RNF32: variants seen among roughly 807,000 people sequenced by gnomAD.
RNF32 encodes ring finger protein 32.
RNF32 carries 36 observed loss-of-function variants against 41.0 expected under a neutral mutation model. That is an observed-to-expected ratio of 0.88 (90% CI 0.67 to 1.16). The LOEUF is 1.16. RNF32 is among the 50% of genes most tolerant of loss of function. The probability of loss-of-function intolerance (pLI) is 0.00; values close to 1 mark genes in which losing one functional copy is unlikely to be tolerated. For synonymous variants in RNF32, 154 were observed against 160.9 expected, an observed-to-expected ratio of 0.96 and a Z score of 0.32; for missense variants, 413 against 436.7, an observed-to-expected ratio of 0.95 and a Z score of 0.48.
intron 3 of RNF32, chr7:156,646,623 G>T: frequency 3.1e-6 from 2 of 640,600 alleles, no homozygotes; most frequent in Non-Finnish European, 2.3e-6. Context: ...CCTGATAGGG[G>T]AGAACTTCCA....
intron 7 of RNF32, among the ~76,000 whole-genome samples, chr7:156,665,071 C>A (rs562041533): frequency 6.6e-6 from 1 of 152,298 alleles, no homozygotes; most frequent in Non-Finnish European, 1.5e-5. Context: ...GCTTCATTTT[C>A]TCCTTACATT....
intron 3 of RNF32, among the ~76,000 whole-genome samples, chr7:156,648,624 C>T (rs1385797801): frequency 2.0e-5 from 3 of 152,132 alleles, no homozygotes; most frequent in East Asian, 1.9e-4. Context: ...CTTGATTGTG[C>T]GTATTAGTTA....
At position 156,669,359 on chromosome 7, in the gene RNF32, G is replaced by C. The variant is rs1437938666; in HGVS notation, c.685-6337G>C. ...TAAGTGCCAGGAAGAAAAATGCAAA[G>C]AGAGGAAGGGGAGAGAGAGTGAAGT... On this transcript the variant is annotated intron_variant, in intron 7 of 8. Coordinates refer to ENST00000317955, the MANE Select transcript of RNF32 (RefSeq NM_030936.4). This position sits in a 1 kb window ranked among gnomAD's most constrained non-coding sequence, Gnocchi z 4.2. The C allele has an allele frequency of 6.6e-6, 1 of 152,302 alleles. No homozygotes were observed. Among genetic ancestry groups the C allele is most frequent in the Non-Finnish European group, 1.5e-5 (1 of 68,074 alleles). 9.4% of individuals were successfully genotyped at this position (152,302 alleles called of 1,614,324 possible).
chr7:156,668,488 C>A (rs7804623), intron 7 of RNF32, among the ~76,000 whole-genome samples: 53,242 of 151,956 alleles, frequency 0.35, 9,934 homozygotes, highest in African/African-American at 0.47. Flanking sequence ...TGGAGCCGGG[C>A]TCCAGTGACT....
intron 3 of RNF32, 127 bp from the exon 4 acceptor site, chr7:156,654,449 T>G: frequency 1.3e-6 from 1 of 749,908 alleles, no homozygotes; most frequent in Non-Finnish European, 2.1e-6. Context: ...GCTTCTATTG[T>G]GAAATAAAGT....
At chr7:156,654,211 T>TA (rs145338739) in intron 3 of RNF32, 2,804 of 154,614 alleles carry the variant, frequency 0.018, 87 homozygotes, top group African/African-American at 0.065. Flanking sequence ...AATAAATGAA[T>TA]AAAAAATAAC....
rs771286836 is a variant in RNF32 at position 156,644,635 on chromosome 7, C to T, written c.152C>T (p.Ser51Phe). 6.2e-7 allele frequency: 1 copy of T among 1,613,438 alleles called. No homozygotes were observed. The highest frequency in any genetic ancestry group is 1.1e-5 in the South Asian group (1 of 91,050). Residue 51 changes from serine (S) to phenylalanine (F), a missense_variant, in exon 3 of 9, where the codon TCT becomes TTT. By Grantham distance (155) the Ser-to-Phe change is radical. Coordinates refer to ENST00000317955, the MANE Select transcript of RNF32 (RefSeq NM_030936.4). ...CAAGTACAAAAGAAAGAGAACAAAT[C>T]TCTAAAAAGAGATACAAAGGCAATA... ...KTQVQKKENK[S>F]LKRDTKAIID...
At chr7:156,658,685 T>C in intron 7 of RNF32, 115 bp downstream of exon 7, 1 of 810,820 alleles carries the variant, frequency 1.2e-6, no homozygotes. Context: ...TTTGAGGGCT[T>C]TTTAAAAATG....
chr7:156,649,942 G>C (rs1798489106), intron 3 of RNF32, among the ~76,000 whole-genome samples: 1 of 152,162 alleles, frequency 6.6e-6, no homozygotes, highest in African/African-American at 2.4e-5. Context: ...CTCTTTTTCA[G>C]GATTCTGGAA....
chr7:156,655,291 TATAGAGAG>T (rs1174906796), intron 4 of RNF32, among the ~76,000 whole-genome samples: 4 of 150,682 alleles, frequency 2.7e-5, no homozygotes, highest in African/African-American at 9.8e-5. Flanking sequence ...CATATATATA[TATAGAGAG>T]AGAGAGAGAG....
chr7:156,651,606 T>C (rs1170334637), intron 3 of RNF32, among the ~76,000 whole-genome samples: 1 of 152,224 alleles, frequency 6.6e-6, no homozygotes, highest in African/African-American at 2.4e-5. Flanking sequence ...GATCGAGATT[T>C]AGCATATTGT....
chr7:156,649,668 G>A (rs569589253), intron 3 of RNF32, among the ~76,000 whole-genome samples: 1 of 152,220 alleles, frequency 6.6e-6, no homozygotes, highest in Non-Finnish European at 1.5e-5. Context: ...CTTTTTAGAT[G>A]AGCGTGTTTG....
At chr7:156,664,260 G>A (rs1216017105) in intron 7 of RNF32, among the ~76,000 whole-genome samples, 2 of 152,190 alleles carry the variant, frequency 1.3e-5, no homozygotes, top group African/African-American at 4.8e-5. Context: ...TCGGGAGTTC[G>A]AGACCAGCCT....
At chr7:156,657,489 A>G (rs1799890364) in intron 4 of RNF32, 52 bp from the exon 5 acceptor site, 2 of 1,583,292 alleles carry the variant, frequency 1.3e-6, no homozygotes, top group Non-Finnish European at 1.7e-6. Flanking sequence ...TGTTGGATAC[A>G]TGCTGCTTCT....
At chr7:156,656,715 G>A (rs548267705) in intron 4 of RNF32, among the ~76,000 whole-genome samples, 3 of 152,314 alleles carry the variant, frequency 2.0e-5, no homozygotes, top group African/African-American at 7.2e-5. Context: ...CCCAGACTGT[G>A]GTCACCCAAG....
At chr7:156,662,256 C>T (rs1377734901) in intron 7 of RNF32, among the ~76,000 whole-genome samples, 1 of 152,104 alleles carries the variant, frequency 6.6e-6, no homozygotes. Flanking sequence ...TTTTTTCTAC[C>T]TTTCCAACTT....
At position 156,671,987 on chromosome 7, in the gene RNF32, T is replaced by C. The variant is rs73744310; in HGVS notation, c.685-3709T>C. ...TATCAAAACTTGTGGAATGGAATAT[T>C]TCATCAAAACTTGTGGAAAGGAATA... On this transcript the variant is annotated intron_variant, in intron 7 of 8. Coordinates refer to ENST00000317955, the MANE Select transcript of RNF32 (RefSeq NM_030936.4). Among the ~76,000 whole-genome samples the C allele has an allele frequency of 3.7e-4, 57 of 152,354 alleles. 1 individual carries two copies. Among genetic ancestry groups the C allele is most frequent in the African/African-American group, 1.3e-3 (55 of 41,588 alleles).
intron 5 of RNF32, chr7:156,657,791 G>C: frequency 1.6e-6 from 1 of 613,282 alleles, no homozygotes; most frequent in South Asian, 2.0e-5. Context: ...TTATGTAACA[G>C]ATTGTTGTCA....
At chr7:156,656,189 A>G (rs1180768698) in intron 4 of RNF32, among the ~76,000 whole-genome samples, 1 of 152,240 alleles carries the variant, frequency 6.6e-6, no homozygotes, top group African/African-American at 2.4e-5. Flanking sequence ...AACAATTCAA[A>G]TGACTCATAG....
Sources: gnomAD v4.1 joint callset for allele counts (sites outside exome capture counted in the v4.1 genomes callset) on GRCh38, gnomAD v4.1.1 for gene constraint, Gnocchi (gnomAD v3.1) non-coding constraint, MANE v1.5 for transcripts, NCBI Gene and HGNC (gene_info 2026-07-23, HGNC 2026-07-21) for gene names.